CACNA2D3: variants seen among roughly 807,000 people sequenced by gnomAD.
The protein encoded by CACNA2D3 is voltage-dependent calcium channel subunit alpha-2/delta-3.
Under a neutral mutation model 160.6 loss-of-function variants are expected in CACNA2D3, and 60 were observed. The ratio of observed to expected loss-of-function variants is 0.37; its 90% CI spans 0.30 to 0.46. The LOEUF is 0.46. Ranked by LOEUF, CACNA2D3 falls within the 20% of genes least tolerant of loss-of-function variation. The pLI, the probability that CACNA2D3 is intolerant of heterozygous loss-of-function variation, is 1.00. For missense variants in CACNA2D3, 1,205 were observed against 1,365.0 expected, an observed-to-expected ratio of 0.88 and a Z score of 1.85; for synonymous variants, 558 against 492.9, an observed-to-expected ratio of 1.13 and a Z score of -1.75.
intron 35 of CACNA2D3, among the ~76,000 whole-genome samples, chr3:55,020,079 AAATTGATAT>A (rs1559465455): frequency 6.6e-6 from 1 of 152,064 alleles, no homozygotes; most frequent in Admixed American, 6.6e-5. Context: ...GTTGAAATCT[AAATTGATAT>A]TGAATTTTAT....
At chr3:54,685,880 C>CATAA (rs1158994275) in intron 11 of CACNA2D3, among the ~76,000 whole-genome samples, 1 of 152,122 alleles carries the variant, frequency 6.6e-6, no homozygotes, top group Non-Finnish European at 1.5e-5. Context: ...TAATCATTAA[C>CATAA]TTATATACAC....
intron 2 of CACNA2D3, among the ~76,000 whole-genome samples, chr3:54,309,567 C>T (rs987326221): frequency 2.0e-5 from 3 of 152,044 alleles, no homozygotes; most frequent in Non-Finnish European, 4.4e-5. Flanking sequence ...TCGGGGACAG[C>T]CTCCCTGGAT....
At chr3:54,290,487 G>A (rs1260662946) in intron 2 of CACNA2D3, among the ~76,000 whole-genome samples, 1 of 151,996 alleles carries the variant, frequency 6.6e-6, no homozygotes, top group Non-Finnish European at 1.5e-5. Context: ...CAACCATTGT[G>A]GAAGTCAGTG....
chr3:54,842,607 C>CTT lies in CACNA2D3; in HGVS notation c.1552-3776_1552-3775dup, dbSNP rs11404506. Among the ~76,000 whole-genome samples the CTT allele has an allele frequency of 6.6e-3, 951 of 143,050 alleles. 11 individuals carry two copies. Among genetic ancestry groups the CTT allele is most frequent in the East Asian group, 0.013 (65 of 4,866 alleles). The allele number at this position is 143,050 out of a possible 152,430, so 93.8% of individuals were successfully genotyped here. On this transcript the variant is annotated intron_variant, in intron 16 of 37. Coordinates refer to ENST00000474759, the MANE Select transcript of CACNA2D3 (RefSeq NM_018398.3). ...TTTCTCTTTTTCTTTTTTTTCTTTT[C>CTT]TTTTTTTTTTTGAGACAGGGTCTGG...
chr3:54,771,046 G>T (rs1317450), intron 13 of CACNA2D3, among the ~76,000 whole-genome samples: 36,340 of 151,998 alleles, frequency 0.24, 4,475 homozygotes, highest in Admixed American at 0.3. Flanking sequence ...TGATTTGTTT[G>T]TGTCATCCTT....
At chr3:54,903,326 A>G (rs1474187931) in intron 27 of CACNA2D3, among the ~76,000 whole-genome samples, 3 of 152,132 alleles carry the variant, frequency 2.0e-5, no homozygotes, top group Non-Finnish European at 4.4e-5. Flanking sequence ...CTGTTCCTGC[A>G]TTAGTTTGCT....
chr3:54,246,881 T>G (rs539606146), intron 2 of CACNA2D3, among the ~76,000 whole-genome samples: 2 of 152,296 alleles, frequency 1.3e-5, no homozygotes, highest in South Asian at 4.1e-4. Flanking sequence ...GAAAATTAAT[T>G]TCACTTAACA....
At chr3:54,929,409 T>C (rs1559634046) in intron 27 of CACNA2D3, among the ~76,000 whole-genome samples, 1 of 152,184 alleles carries the variant, frequency 6.6e-6, no homozygotes, top group Non-Finnish European at 1.5e-5. Context: ...CAGAGGGCCA[T>C]GGAACCTGGC....
intron 9 of CACNA2D3, among the ~76,000 whole-genome samples, chr3:54,591,568 T>TTG (rs1559520902): frequency 7.0e-5 from 2 of 28,426 alleles, no homozygotes; most frequent in African/African-American, 6.8e-4. Flanking sequence ...TTGAAAAAAG[T>TTG]TTTTTTTTTT....
At chr3:54,870,636 C>G (rs1451304991) in intron 17 of CACNA2D3, among the ~76,000 whole-genome samples, 1 of 152,160 alleles carries the variant, frequency 6.6e-6, no homozygotes. Flanking sequence ...TGCAGGGTGA[C>G]TAACACCAGT....
In CACNA2D3 at chr3:54,522,184, T is replaced by C. The variant is rs899469101; in HGVS notation, c.544+18530T>C. Among the ~76,000 whole-genome samples the C allele has an allele frequency of 6.6e-5, 10 of 152,048 alleles. No homozygotes were observed. In the East Asian group the frequency reaches 1.9e-3, roughly 29 times the overall value. On this transcript the variant is annotated intron_variant, in intron 5 of 37. Transcript: ENST00000474759. ...TTTAAATCCATGAATATGAGATATA[T>C]TTTTTTTCATTTTACTTGGATCTTT...
intron 10 of CACNA2D3, among the ~76,000 whole-genome samples, chr3:54,635,442 A>G (rs529398335): frequency 1.3e-5 from 2 of 152,100 alleles, no homozygotes; most frequent in African/African-American, 4.8e-5. Flanking sequence ...GGCATGTATG[A>G]GTAGTTGAGA....
At chr3:55,005,650 A>G (rs1421263012) in intron 32 of CACNA2D3, among the ~76,000 whole-genome samples, 2 of 152,202 alleles carry the variant, frequency 1.3e-5, no homozygotes. Context: ...CTATTGTACC[A>G]TTAGAAACTG....
At chr3:54,196,870 G>A (rs1014240545) in intron 2 of CACNA2D3, among the ~76,000 whole-genome samples, 4 of 152,096 alleles carry the variant, frequency 2.6e-5, no homozygotes, top group Admixed American at 6.5e-5. Context: ...GCATGCGTCC[G>A]ATACATTATC....
chr3:54,227,784 C>T (rs771620054), intron 2 of CACNA2D3, among the ~76,000 whole-genome samples: 1 of 152,028 alleles, frequency 6.6e-6, no homozygotes, highest in East Asian at 1.9e-4. Flanking sequence ...TTCCTGACCT[C>T]GTGATCCACC....
At chr3:54,999,949 G>A (rs946988496) in intron 31 of CACNA2D3, among the ~76,000 whole-genome samples, 27 of 152,284 alleles carry the variant, frequency 1.8e-4, no homozygotes, top group Admixed American at 5.9e-4. Flanking sequence ...TTCAGAGGCC[G>A]TATCTGCCTT....
chr3:54,705,057 C>T (rs766907872), intron 11 of CACNA2D3, among the ~76,000 whole-genome samples: 26 of 152,216 alleles, frequency 1.7e-4, no homozygotes, highest in Non-Finnish European at 1.9e-4. Context: ...GTCATCTGCA[C>T]GGGTCTTCCT....
chr3:54,457,167 T>C (rs1700413766), intron 4 of CACNA2D3, among the ~76,000 whole-genome samples: 1 of 152,008 alleles, frequency 6.6e-6, no homozygotes, highest in African/African-American at 2.4e-5. Context: ...ATTTGAAATC[T>C]TTCTAGTTTT....
intron 18 of CACNA2D3, among the ~76,000 whole-genome samples, chr3:54,872,714 G>T (rs1403926846): frequency 6.6e-6 from 1 of 152,134 alleles, no homozygotes; most frequent in Non-Finnish European, 1.5e-5. Flanking sequence ...ACCTGTTTTA[G>T]AAACTTAGCC....
Sources: gnomAD v4.1 joint callset for allele counts (sites outside exome capture counted in the v4.1 genomes callset) on GRCh38, gnomAD v4.1.1 for gene constraint, MANE v1.5 for transcripts, NCBI Gene and HGNC (gene_info 2026-07-23, HGNC 2026-07-21) for gene names.